The following ANO4 variants were observed in gnomAD, a reference collection of about 807,000 sequenced individuals.
ANO4 encodes the protein anoctamin-4.
A neutral mutation model predicts 141.9 loss-of-function variants in ANO4; 69 were observed. That is an observed-to-expected ratio of 0.49 (90% CI 0.40 to 0.59). The LOEUF is 0.59. Among genes scored for constraint, ANO4 ranks in the 20% least tolerant of loss-of-function variants. The pLI is 0.00. For missense variants in ANO4, 894 were observed against 1,162.2 expected, an observed-to-expected ratio of 0.77 and a Z score of 3.36; for synonymous variants, 350 against 394.3, an observed-to-expected ratio of 0.89 and a Z score of 1.33.
upstream of ANO4, among the ~76,000 whole-genome samples, chr12:100,791,772 G>A (rs940363130): frequency 6.6e-6 from 1 of 152,258 alleles, no homozygotes; most frequent in Non-Finnish European, 1.5e-5. Flanking sequence ...TTGGGTGAGC[G>A]TTTTCAGCCT....
chr12:100,770,691 G>C (rs929379342), intron 3 of ANO4, among the ~76,000 whole-genome samples: 15 of 151,418 alleles, frequency 9.9e-5, no homozygotes, highest in African/African-American at 3.2e-4. Context: ...TTAACCCCCT[G>C]TTTCTGGTAG....
chr12:100,838,133 G>A (rs879410556), intron 1 of ANO4, among the ~76,000 whole-genome samples: 1 of 148,512 alleles, frequency 6.7e-6, no homozygotes, highest in Non-Finnish European at 1.5e-5. Flanking sequence ...GTGAAGGTGC[G>A]AAGATACAGC....
At chr12:100,777,007 A>G (rs73147629) in intron 3 of ANO4, among the ~76,000 whole-genome samples, 7,140 of 152,220 alleles carry the variant, frequency 0.047, 182 homozygotes, top group Non-Finnish European at 0.066. Context: ...CACCCTGAAG[A>G]CAATTTAGTC....
intron 21 of ANO4, 42 bp from the exon 22 acceptor site, chr12:101,099,536 G>T (rs2050112109): frequency 1.3e-6 from 2 of 1,541,298 alleles, no homozygotes; most frequent in South Asian, 1.3e-5. Context: ...TAAGTCATAT[G>T]ATCAGTTACA....
At chr12:100,939,543 C>A (rs2042422308) in intron 4 of ANO4, 92 bp downstream of exon 4, 20 of 1,366,124 alleles carry the variant, frequency 1.5e-5, no homozygotes, top group Non-Finnish European at 2.0e-5. Context: ...GTCATAATCT[C>A]ATTGAACTGT....
intron 9 of ANO4, among the ~76,000 whole-genome samples, chr12:101,026,235 CAGTG>C (rs899088300): frequency 3.7e-4 from 57 of 152,238 alleles, no homozygotes; most frequent in African/African-American, 1.3e-3. Flanking sequence ...CTGCAACAAA[CAGTG>C]AGAAACTGAG....
chr12:100,813,293 G>T (rs529990676), intron 1 of ANO4, among the ~76,000 whole-genome samples: 1 of 152,290 alleles, frequency 6.6e-6, no homozygotes, highest in Non-Finnish European at 1.5e-5. Flanking sequence ...TTATTGCTCA[G>T]ACAAATGGGT....
chr12:101,017,700 T>A (rs184080229), intron 8 of ANO4, among the ~76,000 whole-genome samples: 1 of 152,194 alleles, frequency 6.6e-6, no homozygotes, highest in East Asian at 1.9e-4. Flanking sequence ...GGTTCAGCCC[T>A]TTTTTAGCTC....
chr12:100,896,584 G>T (rs1343904052), intron 1 of ANO4, among the ~76,000 whole-genome samples: 1 of 152,200 alleles, frequency 6.6e-6, no homozygotes, highest in African/African-American at 2.4e-5. Context: ...AGAACTGTGA[G>T]ATGATAAAAT....
chr12:101,010,796 C>A (rs1434963963), intron 8 of ANO4, among the ~76,000 whole-genome samples: 1 of 152,160 alleles, frequency 6.6e-6, no homozygotes, highest in Non-Finnish European at 1.5e-5. Flanking sequence ...AATAACACAA[C>A]TTTAAACATC....
intron 5 of ANO4, among the ~76,000 whole-genome samples, chr12:100,970,157 C>T (rs150710949): frequency 7.9e-4 from 121 of 152,286 alleles, no homozygotes; most frequent in African/African-American, 2.8e-3. Flanking sequence ...CATCTTTTGG[C>T]TCCCTTCATC....
At chr12:101,020,743 C>G (rs1009453464) in intron 9 of ANO4, among the ~76,000 whole-genome samples, 1 of 152,150 alleles carries the variant, frequency 6.6e-6, no homozygotes, top group Non-Finnish European at 1.5e-5. Flanking sequence ...TAAATAGCCT[C>G]TACCATATAT....
intron 3 of ANO4, among the ~76,000 whole-genome samples, chr12:100,784,206 CATA>C (rs1002766750): frequency 7.9e-5 from 12 of 152,162 alleles, no homozygotes; most frequent in African/African-American, 2.9e-4. Context: ...ACCTTCTGGC[CATA>C]ATGTTAGTAG....
chr12:100,915,426 T>C (rs1335603384), intron 2 of ANO4, among the ~76,000 whole-genome samples: 2 of 152,332 alleles, frequency 1.3e-5, no homozygotes, highest in African/African-American at 2.4e-5. Context: ...AGCTCAGCTC[T>C]AGCAACAGTT....
intron 26 of ANO4, among the ~76,000 whole-genome samples, chr12:101,124,503 G>A (rs2051226958): frequency 1.3e-5 from 2 of 151,864 alleles, no homozygotes; most frequent in African/African-American, 2.4e-5. Context: ...TTTTTCTTTT[G>A]TTGCAATTGC....
At chr12:100,897,839 G>GGAGA (rs1423720022) in intron 1 of ANO4, among the ~76,000 whole-genome samples, 2 of 152,188 alleles carry the variant, frequency 1.3e-5, no homozygotes, top group Admixed American at 6.5e-5. Context: ...ATGGGAGAGG[G>GGAGA]GAGAAACAGA....
chr12:100,719,953 G>A lies in ANO4; in HGVS notation c.22+2406G>A, dbSNP rs147283395. 4.6e-5 allele frequency among the ~76,000 whole-genome samples: 7 copies of A among 152,288 alleles called. 1 individual carries two copies. In the East Asian group the frequency reaches 1.4e-3, roughly 29 times the overall value. On this transcript the variant is annotated intron_variant, in intron 1 of 29. Transcript: ENST00000644049. ...CTGTAATCCCCACCGGTAAAAATAT[G>A]TTCAATGAATGATGTTATTTTTAGA...
At chr12:100,725,472 G>T (rs970394622) in intron 1 of ANO4, among the ~76,000 whole-genome samples, 1 of 148,164 alleles carries the variant, frequency 6.7e-6, no homozygotes, top group Non-Finnish European at 1.5e-5. Context: ...TCAGCCTCCC[G>T]AGTAGCTGGG....
intron 18 of ANO4, 35 bp from the exon 19 acceptor site, chr12:101,096,501 C>T: frequency 6.6e-7 from 1 of 1,519,196 alleles, no homozygotes; most frequent in Non-Finnish European, 9.1e-7. Context: ...GGATGAGATT[C>T]AGCCTTTCAA....
Sources: allele counts gnomAD v4.1 joint callset (sites outside exome capture counted in the v4.1 genomes callset), GRCh38; gene constraint gnomAD v4.1.1; transcripts MANE v1.5; gene names NCBI Gene and HGNC (gene_info 2026-07-23, HGNC 2026-07-21).